YPEL5: variants seen among roughly 807,000 people sequenced by gnomAD.
YPEL5 encodes protein yippee-like 5.
Under a neutral mutation model 10.5 loss-of-function variants are expected in YPEL5, and 1 was observed. The observed-to-expected ratio is 0.10, with a 90% confidence interval of 0.03 to 0.45. The LOEUF is 0.45. Among genes scored for constraint, YPEL5 ranks in the 20% least tolerant of loss-of-function variants. The pLI, the probability that YPEL5 is intolerant of heterozygous loss-of-function variation, is 0.97. For synonymous variants in YPEL5, 61 were observed against 56.6 expected, an observed-to-expected ratio of 1.08 and a Z score of -0.35; for missense variants, 68 against 159.3, an observed-to-expected ratio of 0.43 and a Z score of 3.09.
intron 1 of YPEL5, among the ~76,000 whole-genome samples, chr2:30,152,708 T>C (rs147972744): frequency 6.6e-6 from 1 of 152,286 alleles, no homozygotes; most frequent in African/African-American, 2.4e-5. Flanking sequence ...AGGTGATAAA[T>C]ACCTACTTTA....
rs1031586633 is a variant in YPEL5 at position 30,152,397 on chromosome 2, T to C, written c.-24-4231T>C. ...TATCCGGATGTGAGGAGAGTTTGAATCTAATACAGTGATGAAGGGGAGGGA... is the reference window on the plus strand; with the variant it reads ...TATCCGGATGTGAGGAGAGTTTGAACCTAATACAGTGATGAAGGGGAGGGA... On this transcript the variant is annotated intron_variant, in intron 1 of 2. Transcript: ENST00000261353. Among the ~76,000 whole-genome samples, 4 of 152,178 alleles carry C rather than the reference T, an allele frequency of 2.6e-5. No homozygotes were observed. The East Asian group carries it at 5.8e-4, about 22-fold the overall frequency.
rs1676155630 is a variant in YPEL5, at chr2:30,158,854, A to G, written c.*11A>G. 1 of 1,612,286 alleles carries G rather than the reference A, an allele frequency of 6.2e-7. No homozygotes were observed. Among genetic ancestry groups the G allele is most frequent in the Non-Finnish European group, 8.5e-7 (1 of 1,178,578 alleles). Reference sequence around the variant, plus strand: ...TCTGATAACTCTTGAAGATACAGAGAGAAATCCATCTTTTCCCAGGTCTCC... The same window carrying G: ...TCTGATAACTCTTGAAGATACAGAGGGAAATCCATCTTTTCCCAGGTCTCC... On this transcript the variant is annotated 3_prime_UTR_variant, in exon 3 of 3. Transcript: ENST00000261353.
intron 1 of YPEL5, 42 bp from the exon 2 acceptor site, chr2:30,156,586 A>T: frequency 1.3e-6 from 2 of 1,587,520 alleles, no homozygotes; most frequent in Non-Finnish European, 1.7e-6. Flanking sequence ...TGCTAACATG[A>T]TTATTATAAT....
chr2:30,152,956 A>G (rs1283430404), intron 1 of YPEL5, among the ~76,000 whole-genome samples: 1 of 145,372 alleles, frequency 6.9e-6, no homozygotes, highest in African/African-American at 2.6e-5. Context: ...GCTGGAATGC[A>G]GTAGCACAAT....
Position 30,156,482 on chromosome 2 carries a change from G to T in YPEL5, c.-24-146G>T, listed in dbSNP as rs906982861. 6.8e-5 allele frequency: 49 copies of T among 717,248 alleles called. No individual in the cohort carries two copies. In the Admixed American group the frequency reaches 1.3e-3, roughly 20 times the overall value. The allele number at this position is 717,248 out of a possible 1,614,324, so 44.4% of individuals were successfully genotyped here. A position where few individuals can be genotyped will look rare whatever the true frequency, so the allele number is the denominator to read the frequency against. On this transcript the variant is annotated intron_variant, in intron 1 of 2. Coordinates refer to ENST00000261353, the MANE Select transcript of YPEL5 (RefSeq NM_016061.3). ...CAGTGTGTGAACTTTGGATCTTTTT[G>T]TTCAGGATCAGCTATTTCACACATC... is the stretch of plus-strand genomic sequence containing the variant.
At chr2:30,154,979 T>TC (rs1467425786) in intron 1 of YPEL5, among the ~76,000 whole-genome samples, 2 of 152,216 alleles carry the variant, frequency 1.3e-5, no homozygotes, top group African/African-American at 4.8e-5. Context: ...CCCCAGGTGA[T>TC]CCGCCCACCT....
intron 1 of YPEL5, among the ~76,000 whole-genome samples, chr2:30,152,465 C>T (rs1394368330): frequency 2.0e-5 from 3 of 152,106 alleles, no homozygotes; most frequent in Admixed American, 6.5e-5. Flanking sequence ...GTTAATTTTG[C>T]AGTTTTTTAA....
intron 1 of YPEL5, among the ~76,000 whole-genome samples, chr2:30,150,544 A>G (rs2103507600): frequency 6.6e-6 from 1 of 152,294 alleles, no homozygotes; most frequent in African/African-American, 2.4e-5. Context: ...GCTGGTAGAT[A>G]TTATCTATTT....
chr2:30,154,192 C>T (rs1416185968), intron 1 of YPEL5, among the ~76,000 whole-genome samples: 1 of 152,186 alleles, frequency 6.6e-6, no homozygotes, highest in African/African-American at 2.4e-5. Flanking sequence ...AAATACTAGT[C>T]TTCAAAGACA....
At chr2:30,158,580 A>G (rs1676145861) in intron 2 of YPEL5, 39 bp from the exon 3 acceptor site, 3 of 1,594,662 alleles carry the variant, frequency 1.9e-6, no homozygotes, top group Non-Finnish European at 2.6e-6. Flanking sequence ...CAAATAACTA[A>G]CATGCCTTGC....
chr2:30,158,995 TTC>T lies in YPEL5; in HGVS notation c.*154_*155del, dbSNP rs1676163762. 1 of 746,806 alleles carries T rather than the reference TTC, an allele frequency of 1.3e-6. No homozygotes were observed. Among genetic ancestry groups the T allele is most frequent in the Non-Finnish European group, 2.1e-6 (1 of 472,024 alleles). The allele number at this position is 746,806 out of a possible 1,614,324, so 46.3% of individuals were successfully genotyped here. ...TAAGATGGAACCTTTCTTTCTTTCTTTCTTTTTTTTTAAATTTTGTATTTTCC... is the reference window on the plus strand; with the variant it reads ...TAAGATGGAACCTTTCTTTCTTTCTTTTTTTTTTTAAATTTTGTATTTTCC... On this transcript the variant is annotated 3_prime_UTR_variant, in exon 3 of 3. Transcript: ENST00000261353.
intron 1 of YPEL5, among the ~76,000 whole-genome samples, chr2:30,155,444 T>C (rs555106675): frequency 4.6e-5 from 7 of 152,368 alleles, no homozygotes; most frequent in African/African-American, 1.7e-4. Context: ...ATTCTCATTA[T>C]GAACATGCAT....
Position 30,155,259 on chromosome 2 carries a change from T to G in YPEL5, c.-24-1369T>G, listed in dbSNP as rs534746972. 4.1e-4 allele frequency among the ~76,000 whole-genome samples: 62 copies of G among 152,340 alleles called. 1 individual carries two copies. Among genetic ancestry groups the G allele is most frequent in the South Asian group, 1.2e-3 (6 of 4,830 alleles). On this transcript the variant is annotated intron_variant, in intron 1 of 2. Coordinates refer to ENST00000261353, the MANE Select transcript of YPEL5 (RefSeq NM_016061.3). ...CATTGTCATTATATTCACCATTTGT[T>G]TTTTATTCCCTATTAAACTTTCATA...
chr2:30,158,645 T>C lies in YPEL5; in HGVS notation c.168T>C (p.Val56=). The C allele has an allele frequency of 6.2e-7, 1 of 1,613,840 alleles. No homozygotes were observed. Among genetic ancestry groups the C allele is most frequent in the Non-Finnish European group, 8.5e-7 (1 of 1,180,040 alleles). The part of the protein sequence containing the change: ...NKVVNLQYSE[V]QDRVMLTGRH... ...TAGTTAACCTGCAGTACAGTGAAGT[T>C]CAAGATCGGGTCATGCTCACTGGCC... The change falls in exon 3 of 3, where the codon GTT becomes GTC. Residue 56 remains valine (V), a synonymous_variant. Coordinates refer to ENST00000261353, the MANE Select transcript of YPEL5 (RefSeq NM_016061.3).
intron 1 of YPEL5, among the ~76,000 whole-genome samples, chr2:30,151,742 A>C (rs1675803039): frequency 6.6e-6 from 1 of 152,230 alleles, no homozygotes. Context: ...CTTGAACTTC[A>C]GCACTGACAT....
At chr2:30,149,268 CATT>C (rs1334771993) in intron 1 of YPEL5, among the ~76,000 whole-genome samples, 1 of 152,044 alleles carries the variant, frequency 6.6e-6, no homozygotes, top group African/African-American at 2.4e-5. Context: ...AAAAATAAGG[CATT>C]ATTGAGGGGG....
At chr2:30,151,937 T>G (rs1675812110) in intron 1 of YPEL5, among the ~76,000 whole-genome samples, 1 of 152,186 alleles carries the variant, frequency 6.6e-6, no homozygotes, top group Admixed American at 6.5e-5. Flanking sequence ...ATTTTGAATA[T>G]AAAAGCAATC....
In YPEL5 at chr2:30,158,993, CTTTCTTTT is replaced by C. The variant is rs1480756868; in HGVS notation, c.*154_*161del. 6 of 756,252 alleles carry C rather than the reference CTTTCTTTT, an allele frequency of 7.9e-6. No homozygotes were observed. Among genetic ancestry groups the C allele is most frequent in the Admixed American group, 3.0e-5 (1 of 33,708 alleles). 46.8% of individuals were successfully genotyped at this position (756,252 alleles called of 1,614,324 possible). A position where few individuals can be genotyped will look rare whatever the true frequency, so the allele number is the denominator to read the frequency against. The stretch of plus-strand genomic sequence containing the variant: ...TCTAAGATGGAACCTTTCTTTCTTT[CTTTCTTTT>C]TTTTTAAATTTTGTATTTTCCATCC... On this transcript the variant is annotated 3_prime_UTR_variant, in exon 3 of 3. Coordinates refer to ENST00000261353, the MANE Select transcript of YPEL5 (RefSeq NM_016061.3).
chr2:30,154,041 T>C (rs1558357324), intron 1 of YPEL5, among the ~76,000 whole-genome samples: 1 of 152,184 alleles, frequency 6.6e-6, no homozygotes. Context: ...GTCACAGTGG[T>C]CAATGTAGAT....
Sources: allele counts gnomAD v4.1 joint callset (sites outside exome capture counted in the v4.1 genomes callset), GRCh38; gene constraint gnomAD v4.1.1; transcripts MANE v1.5; gene names NCBI Gene and HGNC (gene_info 2026-07-23, HGNC 2026-07-21).